Variants in DSCAM observed in about 807,000 individuals in gnomAD.
DSCAM encodes cell adhesion molecule DSCAM.
A neutral mutation model predicts 217.7 loss-of-function variants in DSCAM; 47 were observed. The ratio of observed to expected loss-of-function variants is 0.22; its 90% CI spans 0.17 to 0.28. The LOEUF (loss-of-function observed/expected upper bound fraction) is 0.28. DSCAM is among the 10% of genes least tolerant of loss of function. The pLI is 1.00. For synonymous variants in DSCAM, 1,056 were observed against 1,015.3 expected (o/e 1.04, Z -0.76); for missense variants, 2,080 against 2,618.3 (o/e 0.79, Z 4.49).
intron 8 of DSCAM, among the ~76,000 whole-genome samples, chr21:40,329,653 TAAATAATAAA>T (rs1193908442): frequency 6.9e-6 from 1 of 145,552 alleles, no homozygotes; most frequent in Non-Finnish European, 1.5e-5. Context: ...AATAAATAAA[TAAATAATAAA>T]AATAAAAAAT....
rs151230123 is a variant in DSCAM, at chr21:40,129,075, T to C, written c.3563-4747A>G. Among the ~76,000 whole-genome samples the C allele has an allele frequency of 6.7e-3, 1,014 of 152,300 alleles. 55 individuals carry two copies. The highest frequency in any genetic ancestry group is 0.061 in the Admixed American group (936 of 15,302). On this transcript the variant is annotated intron_variant, in intron 19 of 32. Coordinates refer to ENST00000400454, the MANE Select transcript of DSCAM (RefSeq NM_001389.5). ...CAGACACCGCAGTCAGCTTCATTTT[T>C]TTTCACCATCATTTTTCTGGTCTTA...
At chr21:40,155,782 AC>A in intron 16 of DSCAM, among the ~76,000 whole-genome samples, 1 of 152,126 alleles carries the variant, frequency 6.6e-6, no homozygotes, top group East Asian at 2.0e-4. Flanking sequence ...ATCCACATCC[AC>A]CTCTCACCCC....
At chr21:40,438,653 C>T (rs750105665) in intron 3 of DSCAM, among the ~76,000 whole-genome samples, 8 of 152,024 alleles carry the variant, frequency 5.3e-5, no homozygotes, top group East Asian at 1.9e-4. Flanking sequence ...CATGTTGGCC[C>T]GAGAAAAAGC....
In DSCAM at chr21:40,306,053, A is replaced by G. The variant is rs1384883135; in HGVS notation, c.2062+6028T>C. ...TGGGCAGTATGGCCATTTTCACAAT[A>G]TTGATTCTTCCTACCCATGAGCATG... On this transcript the variant is annotated intron_variant, in intron 9 of 32. Coordinates refer to ENST00000400454, the MANE Select transcript of DSCAM (RefSeq NM_001389.5). Among the ~76,000 whole-genome samples, 11 of 151,954 alleles carry G rather than the reference A, an allele frequency of 7.2e-5. No individual in the cohort carries two copies. The South Asian group carries it at 2.3e-3, about 32-fold the overall frequency.
intron 3 of DSCAM, among the ~76,000 whole-genome samples, chr21:40,600,175 G>GA (rs1178534977): frequency 1.3e-5 from 2 of 152,162 alleles, no homozygotes; most frequent in African/African-American, 2.4e-5. Context: ...TTTTTAAATT[G>GA]AAGGAAGTCA....
At chr21:40,182,302 A>C (rs1015176088) in intron 14 of DSCAM, among the ~76,000 whole-genome samples, 6 of 152,046 alleles carry the variant, frequency 3.9e-5, no homozygotes, top group Non-Finnish European at 7.4e-5. Flanking sequence ...ATTCTTCTCA[A>C]GGATAACAGT....
intron 32 of DSCAM, among the ~76,000 whole-genome samples, chr21:40,028,781 G>A (rs13048259): frequency 0.17 from 26,117 of 152,170 alleles, 2,619 homozygotes; most frequent in Non-Finnish European, 0.23. Flanking sequence ...TGGAAATGCC[G>A]AGATCACCCG....
chr21:40,342,976 G>T (rs2074515689), intron 6 of DSCAM, among the ~76,000 whole-genome samples: 1 of 151,170 alleles, frequency 6.6e-6, no homozygotes, highest in Non-Finnish European at 1.5e-5. Context: ...AATTTTTTAG[G>T]TTATTTCAAT....
At chr21:40,408,040 T>C (rs1461106616) in intron 3 of DSCAM, among the ~76,000 whole-genome samples, 2 of 152,132 alleles carry the variant, frequency 1.3e-5, no homozygotes, top group Non-Finnish European at 2.9e-5. Flanking sequence ...ACTACAGAAC[T>C]GTGTTCACTG....
At chr21:40,622,090 A>G (rs1028430083) in intron 3 of DSCAM, among the ~76,000 whole-genome samples, 3 of 152,094 alleles carry the variant, frequency 2.0e-5, no homozygotes. Flanking sequence ...ACTTTTAAAT[A>G]CTCAGTTGAT....
chr21:40,239,496 A>G (rs573192416), intron 11 of DSCAM, among the ~76,000 whole-genome samples: 3 of 152,362 alleles, frequency 2.0e-5, no homozygotes, highest in Non-Finnish European at 4.4e-5. Flanking sequence ...TAAGTTTTCA[A>G]GAGATAAAGA....
At chr21:40,396,236 A>G (rs1306280416) in intron 3 of DSCAM, among the ~76,000 whole-genome samples, 5 of 152,214 alleles carry the variant, frequency 3.3e-5, no homozygotes, top group Admixed American at 3.3e-4. Flanking sequence ...TGCTAAAATA[A>G]TGTTTAAATG....
Position 40,561,154 on chromosome 21 carries a change from T to C in DSCAM, c.508+131656A>G, listed in dbSNP as rs184101497. On this transcript the variant is annotated intron_variant, in intron 3 of 32. Coordinates refer to ENST00000400454, the MANE Select transcript of DSCAM (RefSeq NM_001389.5). ...ATTTGGTAAGAGCATAGGCTTTCGA[T>C]TGATAAGGAGCCAGGCTTCATTTCC... 3.6e-4 allele frequency among the ~76,000 whole-genome samples: 55 copies of C among 152,316 alleles called. 1 individual carries two copies. The South Asian group carries it at 8.3e-3, about 23-fold the overall frequency.
intron 18 of DSCAM, among the ~76,000 whole-genome samples, chr21:40,134,660 T>C (rs1270672744): frequency 1.3e-5 from 2 of 152,146 alleles, no homozygotes; most frequent in African/African-American, 4.8e-5. Context: ...AGGAAGAAAA[T>C]GGCAACTATG....
At chr21:40,506,484 G>T (rs1230606194) in intron 3 of DSCAM, among the ~76,000 whole-genome samples, 17 of 152,164 alleles carry the variant, frequency 1.1e-4, no homozygotes, top group Non-Finnish European at 1.8e-4. Context: ...AAAATCAAGT[G>T]GCTCAAACAA....
intron 19 of DSCAM, 107 bp from the exon 20 acceptor site, chr21:40,124,435 G>A: frequency 6.9e-7 from 1 of 1,444,542 alleles, no homozygotes; most frequent in Non-Finnish European, 9.5e-7. Context: ...GCTCTTTCAG[G>A]ATGAGCGTTA....
chr21:40,226,835 A>G (rs1280135081), intron 11 of DSCAM, among the ~76,000 whole-genome samples: 1 of 152,110 alleles, frequency 6.6e-6, no homozygotes, highest in Non-Finnish European at 1.5e-5. Context: ...TGTACAAATT[A>G]TTTCATTATC....
chr21:40,304,919 C>G (rs1049721005), intron 9 of DSCAM, among the ~76,000 whole-genome samples: 10 of 152,008 alleles, frequency 6.6e-5, no homozygotes, highest in African/African-American at 2.2e-4. Flanking sequence ...TACCAATCAC[C>G]ATAACAGACA....
intron 2 of DSCAM, among the ~76,000 whole-genome samples, chr21:40,707,594 A>G (rs2090731769): frequency 6.6e-6 from 1 of 152,208 alleles, no homozygotes; most frequent in Admixed American, 6.5e-5. Context: ...AAATTATTGC[A>G]AAGCTCCCCC....
Sources: allele counts gnomAD v4.1 joint callset (sites outside exome capture counted in the v4.1 genomes callset), GRCh38; gene constraint gnomAD v4.1.1; transcripts MANE v1.5; gene names NCBI Gene and HGNC (gene_info 2026-07-23, HGNC 2026-07-21).